ACYP2: variants seen among roughly 807,000 people sequenced by gnomAD.
The protein encoded by ACYP2 is acylphosphatase-2.
ACYP2 carries 12 observed loss-of-function variants against 11.2 expected under a neutral mutation model. The observed-to-expected ratio is 1.08, with a 90% CI of 0.69 to 1.74. The LOEUF (loss-of-function observed/expected upper bound fraction) is 1.74, where lower values mean the gene tolerates loss of function less well. Ranked by LOEUF, ACYP2 falls within the 40% of genes most tolerant of loss-of-function variation. ACYP2 has a pLI of 0.00. For missense variants in ACYP2, 134 were observed against 101.9 expected, an observed-to-expected ratio of 1.31 and a Z score of -1.35; for synonymous variants, 43 against 32.2, an observed-to-expected ratio of 1.33 and a Z score of -1.13.
At chr2:54,081,638 C>T (rs1447601469) in intron 4 of ACYP2, among the ~76,000 whole-genome samples, 2 of 152,184 alleles carry the variant, frequency 1.3e-5, no homozygotes, top group African/African-American at 4.8e-5. Context: ...GACACATTTC[C>T]AACGTTAAGG....
At chr2:54,178,416 T>C (rs1683565669) in intron 6 of ACYP2, among the ~76,000 whole-genome samples, 1 of 152,174 alleles carries the variant, frequency 6.6e-6, no homozygotes, top group East Asian at 1.9e-4. Context: ...GCAGTGTTTA[T>C]AGTGACTAAA....
intron 4 of ACYP2, chr2:54,084,532 T>A (rs1282353743): frequency 6.6e-6 from 1 of 152,240 alleles, no homozygotes; most frequent in East Asian, 1.9e-4. Context: ...CCTCAAGTGA[T>A]CCACCTGCCT....
chr2:54,238,696 A>C (rs1686606137), intron 6 of ACYP2, among the ~76,000 whole-genome samples: 3 of 152,128 alleles, frequency 2.0e-5, no homozygotes, highest in Non-Finnish European at 4.4e-5. Flanking sequence ...TTTTAATTTA[A>C]AAAATTAAGC....
intron 4 of ACYP2, among the ~76,000 whole-genome samples, chr2:54,126,749 A>T (rs1680533462): frequency 6.6e-6 from 1 of 152,092 alleles, no homozygotes; most frequent in South Asian, 2.1e-4. Context: ...GGAGTTTGAG[A>T]CCAGCCTGCC....
chr2:54,004,404 C>CTTTT (rs1168703943), intron 2 of ACYP2, among the ~76,000 whole-genome samples: 49 of 92,076 alleles, frequency 5.3e-4, no homozygotes, highest in African/African-American at 7.3e-4. Context: ...GTAGTTTAGC[C>CTTTT]TTTTTTTTTT....
At chr2:54,050,637 A>G (rs1164562745) in intron 2 of ACYP2, among the ~76,000 whole-genome samples, 1 of 152,040 alleles carries the variant, frequency 6.6e-6, no homozygotes, top group African/African-American at 2.4e-5. Context: ...GTGAAGTTAT[A>G]TGGGTTTTAA....
At position 54,050,665 on chromosome 2, in the gene ACYP2, A is replaced by G. The variant is rs1675804424; in HGVS notation, c.63-293A>G. Among the ~76,000 whole-genome samples the G allele has an allele frequency of 4.6e-5, 7 of 152,160 alleles. No individual in the cohort carries two copies. In the South Asian group the frequency reaches 1.4e-3, roughly 31 times the overall value. On this transcript the variant is annotated intron_variant, in intron 2 of 6. Coordinates refer to ENST00000607452, the MANE Select transcript of ACYP2 (RefSeq NM_001320586.2). ...GGTTTTAAAAAATGCATAGTCATGT[A>G]TACACCGCTCCAGTGCTGGGTAAAA...
intron 6 of ACYP2, among the ~76,000 whole-genome samples, chr2:54,151,898 T>A (rs1682189197): frequency 6.6e-6 from 1 of 152,098 alleles, no homozygotes; most frequent in Non-Finnish European, 1.5e-5. Context: ...CTTAAAAAAA[T>A]TAATAGACTT....
intron 4 of ACYP2, among the ~76,000 whole-genome samples, chr2:54,099,945 C>G (rs944113640): frequency 6.6e-6 from 1 of 152,168 alleles, no homozygotes; most frequent in Admixed American, 6.5e-5. Context: ...CACACCCTCG[C>G]CAACACTATC....
chr2:54,082,544 C>T, intron 4 of ACYP2: 1 of 152,182 alleles, frequency 6.6e-6, no homozygotes, highest in East Asian at 1.9e-4. Context: ...CCACACCCAA[C>T]CTATAGTTCC....
At chr2:54,243,551 G>A (rs1368301692) in intron 6 of ACYP2, among the ~76,000 whole-genome samples, 1 of 152,016 alleles carries the variant, frequency 6.6e-6, no homozygotes, top group East Asian at 1.9e-4. Context: ...CTGGAGTGTA[G>A]TGGCGCAATC....
intron 4 of ACYP2, among the ~76,000 whole-genome samples, chr2:54,116,263 A>G (rs1679785929): frequency 1.3e-5 from 2 of 152,166 alleles, no homozygotes; most frequent in South Asian, 4.1e-4. Flanking sequence ...CCTAAGTTTA[A>G]GTAGTTGCCA....
At chr2:54,011,683 T>C (rs1286737957) in intron 2 of ACYP2, among the ~76,000 whole-genome samples, 5 of 152,200 alleles carry the variant, frequency 3.3e-5, no homozygotes, top group African/African-American at 7.2e-5. Flanking sequence ...TTCTGACAAA[T>C]TGGGACACAT....
At chr2:54,208,207 C>A (rs1055168643) in intron 6 of ACYP2, among the ~76,000 whole-genome samples, 2 of 150,820 alleles carry the variant, frequency 1.3e-5, no homozygotes, top group Admixed American at 6.6e-5. Context: ...AAAAAAAAAA[C>A]TTTTTATTTC....
intron 4 of ACYP2, among the ~76,000 whole-genome samples, chr2:54,120,620 T>A (rs1388677456): frequency 6.6e-6 from 1 of 152,206 alleles, no homozygotes; most frequent in Admixed American, 6.5e-5. Flanking sequence ...CCACGGCTAG[T>A]GGCACCTCTG....
At chr2:54,294,985 G>A (rs1386732444) in intron 6 of ACYP2, among the ~76,000 whole-genome samples, 1 of 152,020 alleles carries the variant, frequency 6.6e-6, no homozygotes, top group East Asian at 1.9e-4. Flanking sequence ...ACATCTTTGA[G>A]ATACTAAGAA....
chr2:54,125,459 C>G (rs1680433755), intron 4 of ACYP2, among the ~76,000 whole-genome samples: 1 of 152,078 alleles, frequency 6.6e-6, no homozygotes, highest in Non-Finnish European at 1.5e-5. Context: ...ATTTAAAATA[C>G]TAATTTTTGG....
At chr2:54,093,591 C>G (rs914863679) in intron 4 of ACYP2, among the ~76,000 whole-genome samples, 1 of 152,216 alleles carries the variant, frequency 6.6e-6, no homozygotes, top group African/African-American at 2.4e-5. Flanking sequence ...AGGTCACTTC[C>G]TCTTTTAGAG....
At chr2:54,300,012 T>C (rs1215862028) in intron 6 of ACYP2, among the ~76,000 whole-genome samples, 1 of 152,232 alleles carries the variant, frequency 6.6e-6, no homozygotes, top group South Asian at 2.1e-4. Context: ...ACCCCACTTA[T>C]TCTCATTAAA....
Sources: allele counts gnomAD v4.1 joint callset (sites outside exome capture counted in the v4.1 genomes callset), GRCh38; gene constraint gnomAD v4.1.1; transcripts MANE v1.5; gene names NCBI Gene and HGNC (gene_info 2026-07-23, HGNC 2026-07-21).